Variants in KMT2E observed in about 807,000 individuals in gnomAD.
KMT2E encodes histone reader KMT2E.
KMT2E carries 30 observed loss-of-function variants against 184.6 expected under a neutral mutation model. The observed-to-expected ratio is 0.16, with a 90% CI of 0.12 to 0.22. The LOEUF is 0.22. Ranked by LOEUF, KMT2E falls within the 10% of genes least tolerant of loss-of-function variation. KMT2E has a pLI of 1.00. For missense variants in KMT2E, 2,023 were observed against 2,237.4 expected (o/e 0.90, Z 1.93); for synonymous variants, 815 against 776.5 (o/e 1.05, Z -0.82).
intron 3 of KMT2E, among the ~76,000 whole-genome samples, 190 bp downstream of exon 3, chr7:105,041,213 C>T (rs1392152858): frequency 6.6e-6 from 1 of 150,762 alleles, no homozygotes. Flanking sequence ...CTTTGTTTTC[C>T]TTTTAAATAG....
chr7:105,041,635 G>C (rs189362753), intron 3 of KMT2E, among the ~76,000 whole-genome samples: 1 of 152,120 alleles, frequency 6.6e-6, no homozygotes, highest in Non-Finnish European at 1.5e-5. Context: ...TCCTGACCTC[G>C]TGATCCACTC....
intron 1 of KMT2E, among the ~76,000 whole-genome samples, chr7:105,028,089 ACT>A (rs1795244275): frequency 6.6e-6 from 1 of 150,698 alleles, no homozygotes; most frequent in African/African-American, 2.4e-5. Flanking sequence ...AAATATCTAC[ACT>A]GTGTCTACAT....
rs117789844 is a variant in KMT2E at position 105,112,995 on chromosome 7, C to T, written c.5239C>T (p.Pro1747Ser). Reference protein sequence around the residue: ...QALHHPPHQGPPLFPSSAHPT... With the variant: ...QALHHPPHQGSPLFPSSAHPT... ...CTTACACCACCCACCTCATCAAGGA[C>T]CTCCACTTTTTCCTTCGAGTGCTCA... is the stretch of plus-strand genomic sequence containing the variant. Residue 1747 changes from proline (P) to serine (S), a missense_variant, in exon 27 of 27, where the codon CCT becomes TCT. Physicochemically the swap from Pro to Ser is moderately conservative, Grantham distance 74. Transcript: ENST00000311117. 2.5e-6 allele frequency: 4 copies of T among 1,613,956 alleles called. No homozygotes were observed. The highest frequency in any genetic ancestry group is 3.4e-6 in the Non-Finnish European group (4 of 1,180,026).
At chr7:105,049,170 C>G (rs148255175) in intron 3 of KMT2E, among the ~76,000 whole-genome samples, 1 of 152,112 alleles carries the variant, frequency 6.6e-6, no homozygotes, top group Non-Finnish European at 1.5e-5. Flanking sequence ...GCTGGCCAGG[C>G]GTGGTGGCTC....
At chr7:105,043,506 G>T (rs191486183) in intron 3 of KMT2E, among the ~76,000 whole-genome samples, 44 of 152,214 alleles carry the variant, frequency 2.9e-4, no homozygotes, top group Admixed American at 2.8e-3. Context: ...AAAGTGCTGG[G>T]ATTACAGGCG....
At chr7:105,067,442 T>C (rs1352950925) in intron 6 of KMT2E, among the ~76,000 whole-genome samples, 1 of 152,132 alleles carries the variant, frequency 6.6e-6, no homozygotes, top group Non-Finnish European at 1.5e-5. Context: ...TTATGGACAT[T>C]TCAAACTTAC....
chr7:105,081,332 C>T (rs1359687390), intron 12 of KMT2E, among the ~76,000 whole-genome samples: 7 of 151,708 alleles, frequency 4.6e-5, no homozygotes, highest in Non-Finnish European at 7.4e-5. Context: ...TGCAGTGAGC[C>T]GAGATCGCAC....
chr7:105,086,833 A>G (rs1325955055), intron 13 of KMT2E, among the ~76,000 whole-genome samples: 3 of 147,298 alleles, frequency 2.0e-5, no homozygotes, highest in African/African-American at 7.4e-5. Context: ...ACCACTCCAC[A>G]TGAGCTAGCA....
chr7:105,067,026 C>T (rs998263203), intron 6 of KMT2E, among the ~76,000 whole-genome samples: 2 of 135,554 alleles, frequency 1.5e-5, no homozygotes, highest in Non-Finnish European at 3.0e-5. Context: ...CACTGCACTC[C>T]AGCCTGGGTG....
chr7:105,025,942 A>G (rs1795159561), intron 1 of KMT2E, among the ~76,000 whole-genome samples: 1 of 152,184 alleles, frequency 6.6e-6, no homozygotes, highest in Non-Finnish European at 1.5e-5. Context: ...ATTTTGAAAT[A>G]TGTTGAACCA....
intron 1 of KMT2E, among the ~76,000 whole-genome samples, chr7:105,026,534 C>CACATTGTTAACCAACAATGTGTTGTGTG (rs1445702130): frequency 6.6e-6 from 1 of 152,180 alleles, no homozygotes; most frequent in East Asian, 1.9e-4. Context: ...AGGGAAATAA[C>CACATTGTTAACCAACAATGTGTTGTGTG]TGATGATTGT....
intron 6 of KMT2E, among the ~76,000 whole-genome samples, chr7:105,069,499 G>A (rs10808139): frequency 0.19 from 28,516 of 152,148 alleles, 3,408 homozygotes; most frequent in East Asian, 0.58. Context: ...CATAGTGTAC[G>A]AGGGTTTTAT....
At chr7:105,056,364 A>T (rs1796569886) in intron 3 of KMT2E, among the ~76,000 whole-genome samples, 1 of 152,148 alleles carries the variant, frequency 6.6e-6, no homozygotes, top group African/African-American at 2.4e-5. Flanking sequence ...CCAAAGGAAA[A>T]TCTGGCTCTA....
chr7:105,054,454 GTCTGTCTATCTA>G (rs758820143), intron 3 of KMT2E, among the ~76,000 whole-genome samples: 3,702 of 109,196 alleles, frequency 0.034, 57 homozygotes, highest in Middle Eastern at 0.041. Context: ...TGCTCTGTCT[GTCTGTCTATCTA>G]TCTATCTATC....
intron 15 of KMT2E, among the ~76,000 whole-genome samples, chr7:105,096,657 G>A (rs1349963979): frequency 6.6e-6 from 1 of 151,758 alleles, no homozygotes; most frequent in East Asian, 1.9e-4. Context: ...AATAAAAAAT[G>A]GTGGGCAAAA....
Position 105,014,536 on chromosome 7 carries a change from G to GT in KMT2E, c.-189+3dup, listed in dbSNP as rs1184168767. The GT allele has an allele frequency of 6.6e-6, 1 of 152,284 alleles. No homozygotes were observed. The highest frequency in any genetic ancestry group is 1.5e-5 in the Non-Finnish European group (1 of 68,226). The allele number at this position is 152,284 out of a possible 1,614,324, so 9.4% of individuals were successfully genotyped here. A position where few individuals can be genotyped will look rare whatever the true frequency, so the allele number is the denominator to read the frequency against. On this transcript the variant is annotated splice_donor_variant, in intron 1 of 26. Coordinates refer to ENST00000311117, the MANE Select transcript of KMT2E (RefSeq NM_182931.3). LOFTEE classifies it low-confidence loss of function (5UTR_SPLICE). ...GGTGTCTCGTGTGTGAACATCACAG[G>GT]TTAGTGCCTGTCGTCTCCATGGGAG...
intron 13 of KMT2E, among the ~76,000 whole-genome samples, chr7:105,088,745 A>C (rs570902335): frequency 6.6e-5 from 10 of 152,354 alleles, no homozygotes; most frequent in African/African-American, 2.4e-4. Flanking sequence ...ACATTGGACA[A>C]GATGCTAATC....
intron 1 of KMT2E, among the ~76,000 whole-genome samples, chr7:105,027,838 T>A (rs1348189567): frequency 6.6e-5 from 10 of 152,090 alleles, no homozygotes; most frequent in Admixed American, 6.5e-4. Context: ...CCTTGCTGAT[T>A]TTATGGGTTT....
intron 13 of KMT2E, among the ~76,000 whole-genome samples, chr7:105,084,122 CA>C (rs758295220): frequency 6.6e-6 from 1 of 152,208 alleles, no homozygotes; most frequent in Non-Finnish European, 1.5e-5. Context: ...GATGGCTCCA[CA>C]AATTTCCTTT....
Sources: allele counts gnomAD v4.1 joint callset (sites outside exome capture counted in the v4.1 genomes callset), GRCh38; gene constraint gnomAD v4.1.1; transcripts MANE v1.5; gene names NCBI Gene and HGNC (gene_info 2026-07-23, HGNC 2026-07-21).